The following ABCB7 variants were observed in gnomAD, a reference collection of about 807,000 sequenced individuals.
ABCB7 encodes iron-sulfur clusters transporter ABCB7, mitochondrial.
ABCB7 carries 7 observed loss-of-function variants against 54.4 expected under a neutral mutation model. The ratio of observed to expected loss-of-function variants is 0.13; its 90% CI spans 0.07 to 0.24. ABCB7 has a LOEUF of 0.24. Ranked by LOEUF, ABCB7 falls within the 10% of genes least tolerant of loss-of-function variation. The pLI is 1.00. For synonymous variants in ABCB7, 218 were observed against 207.1 expected, an observed-to-expected ratio of 1.05 and a Z score of -0.45; for missense variants, 356 against 570.4, an observed-to-expected ratio of 0.62 and a Z score of 3.83.
At chrX:75,093,555 CTAATG>C (rs1420904810) in intron 4 of ABCB7, among the ~76,000 whole-genome samples, 1 of 110,341 alleles carries the variant, frequency 9.1e-6, no homozygotes, top group Non-Finnish European at 1.9e-5. Context: ...AAAGTGAATC[CTAATG>C]TAAACTATGG....
chrX:75,153,760 G>GTATATATATATATATATATATA (rs55904708), intron 1 of ABCB7, among the ~76,000 whole-genome samples: 88 of 94,137 alleles, frequency 9.3e-4, no homozygotes, highest in African/African-American at 3.3e-3. Context: ...GTGTGTGTGT[G>GTATATATATATATATATATATA]TATATATATA....
chrX:75,058,659 A>G (rs759456586), intron 15 of ABCB7, among the ~76,000 whole-genome samples: 1 of 111,961 alleles, frequency 8.9e-6, no homozygotes, highest in East Asian at 2.8e-4. Context: ...TGCTATGATC[A>G]TTAATAAATT....
At chrX:75,127,753 C>A (rs1471217250) in intron 1 of ABCB7, among the ~76,000 whole-genome samples, 5 of 112,122 alleles carry the variant, frequency 4.5e-5, no homozygotes, top group Admixed American at 3.8e-4. Flanking sequence ...ACAACCATTC[C>A]TGTGCAATCA....
chrX:75,070,596 G>T, intron 9 of ABCB7, 74 bp from the exon 10 acceptor site: 2 of 1,013,698 alleles, frequency 2.0e-6, no homozygotes, highest in Non-Finnish European at 2.8e-6. Flanking sequence ...TAGGTTTATA[G>T]TCTATTACGA....
chrX:75,136,237 C>T (rs751245937), intron 1 of ABCB7, among the ~76,000 whole-genome samples: 2 of 110,652 alleles, frequency 1.8e-5, no homozygotes, highest in Non-Finnish European at 3.8e-5. Flanking sequence ...GAATAGAATC[C>T]CATTCACAAT....
Position 75,052,954 on chromosome X carries a change from C to A in ABCB7, c.*416G>T, listed in dbSNP as rs1313203644. 7.9e-6 allele frequency: 1 copy of A among 127,197 alleles called. No homozygotes were observed. The highest frequency in any genetic ancestry group is 3.2e-5 in the African/African-American group (1 of 31,142). The allele number at this position is 127,197 out of a possible 1,213,427, so 10.5% of individuals were successfully genotyped here. ...AATTGGACGAAGGAGGGAGAAGAAA[C>A]AATGAACCTACACTATCCTCTTTTT... is the stretch of plus-strand genomic sequence containing the variant. On this transcript the variant is annotated 3_prime_UTR_variant, in exon 16 of 16. Transcript: ENST00000373394.
At chrX:75,135,049 G>T (rs1280649391) in intron 1 of ABCB7, among the ~76,000 whole-genome samples, 1 of 108,746 alleles carries the variant, frequency 9.2e-6, no homozygotes, top group African/African-American at 3.3e-5. Flanking sequence ...TTCTTCAAAA[G>T]AATAAATAAG....
At chrX:75,153,564 G>A (rs911217645) in intron 1 of ABCB7, among the ~76,000 whole-genome samples, 5 of 108,303 alleles carry the variant, frequency 4.6e-5, no homozygotes, top group Admixed American at 4.0e-4. Context: ...ACTTGCTACT[G>A]GGAGAAATTA....
intron 4 of ABCB7, among the ~76,000 whole-genome samples, chrX:75,083,727 T>A (rs1415771888): frequency 4.6e-5 from 5 of 108,551 alleles, no homozygotes; most frequent in South Asian, 3.9e-4. Flanking sequence ...TATATATATA[T>A]AAAATATAAA....
At chrX:75,117,818 C>T (rs767233243) in intron 1 of ABCB7, among the ~76,000 whole-genome samples, 8 of 111,539 alleles carry the variant, frequency 7.2e-5, no homozygotes, top group Non-Finnish European at 1.5e-4. Flanking sequence ...TCTTCAGTGT[C>T]GCTGCAATGG....
intron 4 of ABCB7, 70 bp downstream of exon 4, chrX:75,098,872 G>T: frequency 8.4e-7 from 1 of 1,188,677 alleles, no homozygotes; most frequent in East Asian, 3.0e-5. Context: ...TTTACACCAG[G>T]CCCAGGATTC....
At position 75,113,692 on chromosome X, in the gene ABCB7, G is replaced by A; in HGVS notation, c.247-720C>T. Among the ~76,000 whole-genome samples the A allele has an allele frequency of 1.8e-5, 2 of 111,386 alleles. 1 individual carries two copies. The highest frequency in any genetic ancestry group is 3.8e-5 in the Non-Finnish European group (2 of 53,032). On this transcript the variant is annotated intron_variant, in intron 2 of 15. Coordinates refer to ENST00000373394, the MANE Select transcript of ABCB7 (RefSeq NM_001271696.3). ...ATAATAATCAATAATTAATGAACAA[G>A]GGCACAGTTCTTTACAAACACAAAT...
intron 1 of ABCB7, among the ~76,000 whole-genome samples, chrX:75,119,524 C>T (rs2081855844): frequency 1.8e-5 from 2 of 111,947 alleles, no homozygotes; most frequent in South Asian, 7.4e-4. Flanking sequence ...AGAATCTTAC[C>T]TTATGGTCAA....
In ABCB7 at chrX:75,071,540, T is replaced by A; in HGVS notation, c.1176A>T (p.Ile392=). The change falls in exon 9 of 16, where the codon ATA becomes ATT. Residue 392 remains isoleucine, a synonymous_variant. Transcript: ENST00000373394. The part of the protein sequence containing the change: ...SAIFSVGLTA[I]MVLASQGIVA... ...CAATTCCCTGACTGGCGAGCACCAT[T>A]ATAGCTGTTAAACCGACACTGAAAA... The A allele has an allele frequency of 8.3e-7, 1 of 1,211,500 alleles. No homozygotes were observed. Among genetic ancestry groups the A allele is most frequent in the Non-Finnish European group, 1.1e-6 (1 of 895,396 alleles).
intron 4 of ABCB7, among the ~76,000 whole-genome samples, chrX:75,098,634 G>A (rs769629828): frequency 7.2e-5 from 8 of 110,747 alleles, no homozygotes; most frequent in Admixed American, 9.6e-5. Context: ...GTATTATTTC[G>A]GAGCCAAAGA....
At chrX:75,056,890 C>A (rs190898495) in intron 15 of ABCB7, among the ~76,000 whole-genome samples, 1 of 111,703 alleles carries the variant, frequency 9.0e-6, no homozygotes, top group Non-Finnish European at 1.9e-5. Context: ...ACACTAGGTT[C>A]AAATTTCCTT....
chrX:75,152,157 G>A (rs1299156375), intron 1 of ABCB7, among the ~76,000 whole-genome samples: 1 of 112,152 alleles, frequency 8.9e-6, no homozygotes, highest in African/African-American at 3.2e-5. Context: ...AATTTTAAAA[G>A]TCTTTATTGG....
intron 4 of ABCB7, among the ~76,000 whole-genome samples, chrX:75,096,012 A>C: frequency 8.9e-6 from 1 of 112,117 alleles, no homozygotes; most frequent in South Asian, 3.7e-4. Flanking sequence ...TTAATTAGTC[A>C]TGTTCTAACC....
At chrX:75,100,816 T>C (rs1278906271) in intron 3 of ABCB7, among the ~76,000 whole-genome samples, 1 of 111,769 alleles carries the variant, frequency 8.9e-6, no homozygotes. Flanking sequence ...GTGACTGACA[T>C]ACAATAGGTA....
Sources: gnomAD v4.1 joint callset for allele counts (sites outside exome capture counted in the v4.1 genomes callset) on GRCh38, gnomAD v4.1.1 for gene constraint, MANE v1.5 for transcripts, NCBI Gene and HGNC (gene_info 2026-07-23, HGNC 2026-07-21) for gene names.